Variants in NELL1 observed in about 807,000 individuals in gnomAD.
NELL1 encodes protein kinase C-binding protein NELL1.
Under a neutral mutation model 107.4 loss-of-function variants are expected in NELL1, and 76 were observed. The ratio of observed to expected loss-of-function variants is 0.71; its 90% CI spans 0.59 to 0.86. The LOEUF (loss-of-function observed/expected upper bound fraction) is 0.86, where lower values mean the gene tolerates loss of function less well. Ranked by LOEUF, NELL1 falls within the 40% of genes least tolerant of loss-of-function variation. The probability of loss-of-function intolerance (pLI) is 0.00; values close to 1 mark genes in which losing one functional copy is unlikely to be tolerated. For synonymous variants in NELL1, 353 were observed against 341.2 expected, an observed-to-expected ratio of 1.03 and a Z score of -0.38; for missense variants, 1,024 against 1,005.5, an observed-to-expected ratio of 1.02 and a Z score of -0.25.
rs1003298978 is a variant in NELL1 at position 21,072,232 on chromosome 11, A to G, written c.1301-41357A>G. On this transcript the variant is annotated intron_variant, in intron 12 of 19. Transcript: ENST00000357134. ...CAAATGGCATATAATAATCAAAGCA[A>G]TAAATGTGGGTATTATTAAGCACAA... Among the ~76,000 whole-genome samples, 5 of 152,322 alleles carry G rather than the reference A, an allele frequency of 3.3e-5. No individual in the cohort carries two copies. In the East Asian group the frequency reaches 9.6e-4, roughly 29 times the overall value.
At chr11:21,263,944 CAAG>C (rs1848585514) in intron 14 of NELL1, among the ~76,000 whole-genome samples, 1 of 151,818 alleles carries the variant, frequency 6.6e-6, no homozygotes, top group Admixed American at 6.6e-5. Context: ...AATGAAATTT[CAAG>C]AAGGAGCAGA....
chr11:21,524,985 G>C (rs985757182), intron 15 of NELL1, among the ~76,000 whole-genome samples: 1 of 152,156 alleles, frequency 6.6e-6, no homozygotes, highest in Non-Finnish European at 1.5e-5. Flanking sequence ...AGAGACCTAT[G>C]AGATTTGCAA....
chr11:21,536,585 A>ATATT (rs1257317580), intron 16 of NELL1, among the ~76,000 whole-genome samples: 1 of 152,084 alleles, frequency 6.6e-6, no homozygotes, highest in Non-Finnish European at 1.5e-5. Context: ...CTTGTACAAT[A>ATATT]TATTTGCTCT....
intron 14 of NELL1, among the ~76,000 whole-genome samples, chr11:21,313,045 C>T (rs1023264601): frequency 1.4e-5 from 2 of 140,516 alleles, no homozygotes; most frequent in Non-Finnish European, 3.0e-5. Context: ...CACTGCACTC[C>T]CCGTCTCAAA....
chr11:21,303,201 C>T (rs1849536414), intron 14 of NELL1, among the ~76,000 whole-genome samples: 1 of 151,848 alleles, frequency 6.6e-6, no homozygotes, highest in Non-Finnish European at 1.5e-5. Flanking sequence ...TGGGCCGTTC[C>T]CTCAAGGTGC....
intron 15 of NELL1, among the ~76,000 whole-genome samples, chr11:21,396,424 C>T (rs189691022): frequency 7.1e-4 from 108 of 151,664 alleles, no homozygotes; most frequent in African/African-American, 2.4e-3. Context: ...AGAGCAGACA[C>T]AGGTTTTATC....
Position 21,184,282 on chromosome 11 carries a change from T to C in NELL1, c.1427-45050T>C, listed in dbSNP as rs550931238. Among the ~76,000 whole-genome samples the C allele has an allele frequency of 3.6e-4, 55 of 151,978 alleles. 1 individual carries two copies. The South Asian group carries it at 9.3e-3, about 26-fold the overall frequency. ...TTATTGTTTGTTTTGTTTTGTTTTG[T>C]TTTTGAGATGGAGTCTTGCTTTTTC... On this transcript the variant is annotated intron_variant, in intron 13 of 19. Transcript: ENST00000357134.
chr11:21,086,559 G>T (rs16907436), intron 12 of NELL1, among the ~76,000 whole-genome samples: 1 of 152,132 alleles, frequency 6.6e-6, no homozygotes, highest in African/African-American at 2.4e-5. Context: ...GGCTTCTGTC[G>T]TTGGATTAAC....
At position 21,123,364 on chromosome 11, in the gene NELL1, T is replaced by TGC. The variant is rs1353160961; in HGVS notation, c.1426+9651_1426+9652insCG. Among the ~76,000 whole-genome samples, 902 of 137,040 alleles carry TGC rather than the reference T, an allele frequency of 6.6e-3. 4 individuals are homozygous for TGC. Among genetic ancestry groups the TGC allele is most frequent in the East Asian group, 0.038 (169 of 4,412 alleles). The allele number at this position is 137,040 out of a possible 152,430, so 89.9% of individuals were successfully genotyped here. A position where few individuals can be genotyped will look rare whatever the true frequency, so the allele number is the denominator to read the frequency against. On this transcript the variant is annotated intron_variant, in intron 13 of 19. Transcript: ENST00000357134. ...GTGTGTGTGTGTGTGTGTGTGTGTG[T>TGC]GTGCGTTTCCATGTATGTGTAGATC...
intron 11 of NELL1, among the ~76,000 whole-genome samples, chr11:20,949,892 T>C (rs1264812358): frequency 6.6e-6 from 1 of 152,180 alleles, no homozygotes; most frequent in Admixed American, 6.5e-5. Context: ...TTCATACCAG[T>C]TCCTTCTCAG....
At chr11:21,513,750 C>T (rs11603679) in intron 15 of NELL1, among the ~76,000 whole-genome samples, 19,803 of 152,054 alleles carry the variant, frequency 0.13, 1,415 homozygotes, top group Non-Finnish European at 0.16. Flanking sequence ...GGAGATATAG[C>T]GATTATTTCT....
At chr11:21,491,286 G>A (rs1360593008) in intron 15 of NELL1, among the ~76,000 whole-genome samples, 1 of 152,094 alleles carries the variant, frequency 6.6e-6, no homozygotes, top group Non-Finnish European at 1.5e-5. Context: ...CCTATGTCCT[G>A]AATGCTAATG....
At chr11:20,999,195 T>G (rs1852160347) in intron 12 of NELL1, among the ~76,000 whole-genome samples, 1 of 152,178 alleles carries the variant, frequency 6.6e-6, no homozygotes, top group Non-Finnish European at 1.5e-5. Flanking sequence ...ATGGCAGAAT[T>G]CTGTACGTAA....
intron 14 of NELL1, among the ~76,000 whole-genome samples, chr11:21,323,774 A>G (rs1850065063): frequency 6.6e-6 from 1 of 152,082 alleles, no homozygotes; most frequent in South Asian, 2.1e-4. Flanking sequence ...TGTGTTTGTT[A>G]TCTGATACCT....
At chr11:21,149,532 G>C (rs998823463) in intron 13 of NELL1, among the ~76,000 whole-genome samples, 2 of 152,114 alleles carry the variant, frequency 1.3e-5, no homozygotes, top group African/African-American at 4.8e-5. Flanking sequence ...GAAGAGTATG[G>C]GGGAATCCCC....
chr11:20,763,385 G>A (rs1856464163), intron 2 of NELL1, among the ~76,000 whole-genome samples: 1 of 152,254 alleles, frequency 6.6e-6, no homozygotes, highest in Non-Finnish European at 1.5e-5. Flanking sequence ...GATCACATGT[G>A]TTAATATTTG....
chr11:21,063,548 T>G (rs1262830899), intron 12 of NELL1, among the ~76,000 whole-genome samples: 1 of 152,180 alleles, frequency 6.6e-6, no homozygotes, highest in East Asian at 1.9e-4. Flanking sequence ...TAAACACATG[T>G]GTGATACAGG....
intron 14 of NELL1, among the ~76,000 whole-genome samples, chr11:21,247,322 T>G (rs1858518742): frequency 6.6e-6 from 1 of 152,232 alleles, no homozygotes; most frequent in Non-Finnish European, 1.5e-5. Context: ...TTTTAAAATC[T>G]TTTTGACTGG....
intron 12 of NELL1, among the ~76,000 whole-genome samples, chr11:21,030,233 T>C (rs1026860134): frequency 1.3e-5 from 2 of 152,188 alleles, no homozygotes; most frequent in Admixed American, 6.6e-5. Flanking sequence ...GTAGGAACTG[T>C]AGATGGCCAG....
Sources: allele counts gnomAD v4.1 joint callset (sites outside exome capture counted in the v4.1 genomes callset), GRCh38; gene constraint gnomAD v4.1.1; transcripts MANE v1.5; gene names NCBI Gene and HGNC (gene_info 2026-07-23, HGNC 2026-07-21).